Variants in TICRR observed in about 807,000 individuals in gnomAD.
TICRR encodes the protein TOPBP1 interacting checkpoint and replication regulator, also known as treslin.
TICRR carries 132 observed loss-of-function variants against 178.1 expected under a neutral mutation model. The observed-to-expected ratio is 0.74, with a 90% CI of 0.64 to 0.86. The LOEUF (loss-of-function observed/expected upper bound fraction) is 0.86. Ranked by LOEUF, TICRR falls within the 40% of genes least tolerant of loss-of-function variation. TICRR has a pLI of 0.00. For synonymous variants in TICRR, 991 were observed against 900.7 expected, an observed-to-expected ratio of 1.10 and a Z score of -1.79; for missense variants, 2,587 against 2,334.3, an observed-to-expected ratio of 1.11 and a Z score of -2.23.
In TICRR at chr15:89,625,383, G is replaced by T. The variant is rs778894143; in HGVS notation, c.5073G>T (p.Ala1691=). The part of the protein sequence containing the change: ...IIKDWPRRKR[A]VGCGAGSSSG... ...AAGACTGGCCCAGGAGGAAGAGGGCGGTGGGCTGTGGCGCCGGCTCCTCTT... is the reference window on the plus strand; with the variant it reads ...AAGACTGGCCCAGGAGGAAGAGGGCTGTGGGCTGTGGCGCCGGCTCCTCTT... The change falls in exon 20 of 22, where the codon GCG becomes GCT. Residue 1691 remains alanine, a synonymous_variant. Transcript: ENST00000268138. The T allele has an allele frequency of 6.2e-7, 1 of 1,613,950 alleles. No homozygotes were observed. Among genetic ancestry groups the T allele is most frequent in the Non-Finnish European group, 8.5e-7 (1 of 1,180,016 alleles).
chr15:89,595,370 C>T, intron 6 of TICRR, 23 bp from the exon 7 acceptor site: 1 of 1,574,972 alleles, frequency 6.3e-7, no homozygotes, highest in Non-Finnish European at 8.7e-7. Context: ...TTTACTTTCC[C>T]TCCTCTGATG....
At position 89,599,466 on chromosome 15, in the gene TICRR, G is replaced by A; in HGVS notation, c.2043G>A (p.Lys681=). 6.2e-7 allele frequency: 1 copy of A among 1,612,140 alleles called. No homozygotes were observed. Among genetic ancestry groups the A allele is most frequent in the Non-Finnish European group, 8.5e-7 (1 of 1,179,418 alleles). The stretch of plus-strand genomic sequence containing the variant: ...TGTTCCTAAAATCAAAAGGCACCAA[G>A]GAATTAGAAGTAAGAGGGTCCAGAT... ...VKMFLKSKGT[K]ELEVNCLNQV... is the part of the protein sequence containing the mutation. Residue 681 remains lysine, a synonymous_variant, in exon 8 of 22, where the codon AAG becomes AAA. Transcript: ENST00000268138.
rs747774382 is a variant in TICRR, at chr15:89,625,622, G to A, written c.5312G>A (p.Ser1771Asn). ...EASSWGQFGL[S>N]SRKRVLLAKE... ...TCTTCCTGGGGACAGTTTGGGTTGAGTTCCAGGAAGAGAGTCCTGTTGGCC... is the reference window on the plus strand; with the variant it reads ...TCTTCCTGGGGACAGTTTGGGTTGAATTCCAGGAAGAGAGTCCTGTTGGCC... The change falls in exon 20 of 22, where the codon AGT becomes AAT. Residue 1771 changes from serine (S) to asparagine (N), a missense_variant. Transcript: ENST00000268138. The A allele has an allele frequency of 2.5e-6, 4 of 1,613,310 alleles. No individual in the cohort carries two copies. The highest frequency in any genetic ancestry group is 3.3e-4 in the Middle Eastern group (2 of 6,062).
Position 89,602,800 on chromosome 15 carries a change from A to T in TICRR, c.2572A>T (p.Asn858Tyr), listed in dbSNP as rs1292121040. The T allele has an allele frequency of 6.8e-7, 1 of 1,463,712 alleles. No homozygotes were observed. Among genetic ancestry groups the T allele is most frequent in the African/African-American group, 1.5e-5 (1 of 68,206 alleles). The allele number at this position is 1,463,712 out of a possible 1,614,324, so 90.7% of individuals were successfully genotyped here. ...RTRSAKKRRK[N>Y]ALIRHKSIAE... is the part of the protein sequence containing the mutation. ...AACTATTTCTATTTTTAAAAGGAAA[A>T]ATGCATTAATAAGACATAAAAGCAT... The change falls in exon 13 of 22, where the codon AAT (asparagine) becomes TAT (tyrosine). Residue 858 changes from asparagine (N) to tyrosine (Y), a missense_variant. Coordinates refer to ENST00000268138, the MANE Select transcript of TICRR (RefSeq NM_152259.4).
chr15:89,580,262 C>T (rs904466415), intron 1 of TICRR: 1 of 152,246 alleles, frequency 6.6e-6, no homozygotes, highest in Non-Finnish European at 1.5e-5. Context: ...AGGTGATCCA[C>T]CTGCCTTGTG....
chr15:89,599,413 G>T lies in TICRR; in HGVS notation c.1990G>T (p.Ala664Ser). ...ATGEIMLYAC[A>S]RNMISTVKMF... is the part of the protein sequence containing the mutation. ...AGGAGAAATCATGTTGTATGCATGT[G>T]CTCGAAACATGATCTCAACCGTTAA... The change falls in exon 8 of 22, where the codon GCT (alanine) becomes TCT (serine). Residue 664 changes from alanine to serine, a missense_variant. Transcript: ENST00000268138. 6.2e-7 allele frequency: 1 copy of T among 1,613,654 alleles called. No homozygotes were observed. Among genetic ancestry groups the T allele is most frequent in the Non-Finnish European group, 8.5e-7 (1 of 1,179,852 alleles).
intron 1 of TICRR, among the ~76,000 whole-genome samples, chr15:89,577,351 G>A (rs75110248): frequency 0.02 from 3,083 of 152,168 alleles, 95 homozygotes; most frequent in African/African-American, 0.066. Context: ...GCTAGGATAA[G>A]TATATACTTT....
rs370969531 is a variant in TICRR, at chr15:89,614,027, G to A, written c.2870-2378G>A. ...AAATTAGCCGGGCGTGGTGGCGGGCGCCTGTAGTCCTGGTTACTCCGGAGG... is the reference window on the plus strand; with the variant it reads ...AAATTAGCCGGGCGTGGTGGCGGGCACCTGTAGTCCTGGTTACTCCGGAGG... On this transcript the variant is annotated intron_variant, in intron 15 of 21. Coordinates refer to ENST00000268138, the MANE Select transcript of TICRR (RefSeq NM_152259.4). Among the ~76,000 whole-genome samples the A allele has an allele frequency of 4.7e-4, 71 of 152,050 alleles. No homozygotes were observed. The East Asian group carries it at 7.0e-3, about 15-fold the overall frequency.
At chr15:89,619,642 GACA>G (rs1210159093) in intron 17 of TICRR, 63 bp from the exon 18 acceptor site, 3 of 1,542,638 alleles carry the variant, frequency 1.9e-6, no homozygotes, top group Non-Finnish European at 1.7e-6. Flanking sequence ...CCCGGTTTTG[GACA>G]ACATGAGAAA....
At chr15:89,577,977 A>G (rs570825999) in intron 1 of TICRR, among the ~76,000 whole-genome samples, 5 of 152,170 alleles carry the variant, frequency 3.3e-5, no homozygotes, top group African/African-American at 1.2e-4. Context: ...GGTAAAGAAC[A>G]TTCCAGGTGA....
chr15:89,609,535 C>G (rs546244869), intron 15 of TICRR, among the ~76,000 whole-genome samples: 1 of 151,986 alleles, frequency 6.6e-6, no homozygotes, highest in Non-Finnish European at 1.5e-5. Flanking sequence ...AGTGCAGTGC[C>G]GTGATCTTGG....
chr15:89,577,063 T>A (rs1302927506), intron 1 of TICRR, among the ~76,000 whole-genome samples: 1 of 151,792 alleles, frequency 6.6e-6, no homozygotes, highest in East Asian at 1.9e-4. Flanking sequence ...CTGGCTAATT[T>A]TTTTGTATTT....
At chr15:89,614,273 T>G (rs1414088822) in intron 15 of TICRR, among the ~76,000 whole-genome samples, 2 of 152,168 alleles carry the variant, frequency 1.3e-5, no homozygotes, top group Admixed American at 6.5e-5. Context: ...CCATACTTTT[T>G]TGTTTTGTTT....
chr15:89,581,127 C>T (rs1962717478), intron 1 of TICRR, among the ~76,000 whole-genome samples: 1 of 152,166 alleles, frequency 6.6e-6, no homozygotes, highest in Admixed American at 6.5e-5. Flanking sequence ...ATGGACGATT[C>T]CCTGCTTGTC....
chr15:89,599,469 A>G lies in TICRR; in HGVS notation c.2046A>G (p.Glu682=). 6.2e-7 allele frequency: 1 copy of G among 1,612,122 alleles called. No homozygotes were observed. Among genetic ancestry groups the G allele is most frequent in the Non-Finnish European group, 8.5e-7 (1 of 1,179,480 alleles). The change falls in exon 8 of 22, where the codon GAA becomes GAG. Residue 682 remains glutamate (E), a synonymous_variant. Transcript: ENST00000268138. ...KMFLKSKGTK[E]LEVNCLNQVK... is the part of the protein sequence containing the mutation. ...TCCTAAAATCAAAAGGCACCAAGGA[A>G]TTAGAAGTAAGAGGGTCCAGATATT...
chr15:89,614,927 CT>C (rs1367292540), intron 15 of TICRR, among the ~76,000 whole-genome samples: 1 of 152,202 alleles, frequency 6.6e-6, no homozygotes, highest in Non-Finnish European at 1.5e-5. Flanking sequence ...TTCCACTTCA[CT>C]TTCTGTTTTG....
chr15:89,584,197 CTT>C (rs926446667), intron 2 of TICRR, 87 bp from the exon 3 acceptor site: 2 of 1,270,608 alleles, frequency 1.6e-6, no homozygotes, highest in African/African-American at 1.5e-5. Flanking sequence ...TATTAAATCT[CTT>C]TTTAGTATCT....
At chr15:89,601,269 G>A (rs529193619) in intron 9 of TICRR, 29 bp from the exon 10 acceptor site, 1 of 1,603,256 alleles carries the variant, frequency 6.2e-7, no homozygotes, top group Admixed American at 1.7e-5. Context: ...ATCCAAAGTA[G>A]ATATGACCAA....
rs1209484419 is a variant in TICRR, at chr15:89,599,461, A to G, written c.2038A>G (p.Thr680Ala). ...TVKMFLKSKG[T>A]KELEVNCLNQ... ...TAAAATGTTCCTAAAATCAAAAGGC[A>G]CCAAGGAATTAGAAGTAAGAGGGTC... Residue 680 changes from threonine (T) to alanine (A), a missense_variant, in exon 8 of 22, where the codon ACC becomes GCC. Transcript: ENST00000268138. The G allele has an allele frequency of 1.9e-6, 3 of 1,612,640 alleles. No homozygotes were observed. The highest frequency in any genetic ancestry group is 1.6e-4 in the Middle Eastern group (1 of 6,080).
Sources: gnomAD v4.1 joint callset for allele counts (sites outside exome capture counted in the v4.1 genomes callset) on GRCh38, gnomAD v4.1.1 for gene constraint, MANE v1.5 for transcripts, NCBI Gene and HGNC (gene_info 2026-07-23, HGNC 2026-07-21) for gene names.